The following RUNX1T1 variants were observed in gnomAD, a reference collection of about 807,000 sequenced individuals.
RUNX1T1 encodes protein CBFA2T1.
In RUNX1T1, 4 loss-of-function variants were observed where a neutral mutation model predicts 62.8. The ratio of observed to expected loss-of-function variants is 0.06; its 90% CI spans 0.03 to 0.15. RUNX1T1 has a LOEUF of 0.15. Ranked by LOEUF, RUNX1T1 falls within the 10% of genes least tolerant of loss-of-function variation. The pLI, the probability that RUNX1T1 is intolerant of heterozygous loss-of-function variation, is 1.00. For synonymous variants in RUNX1T1, 291 were observed against 286.0 expected, an observed-to-expected ratio of 1.02 and a Z score of -0.18; for missense variants, 508 against 754.3, an observed-to-expected ratio of 0.67 and a Z score of 3.82.
At chr8:92,102,758 T>C (rs1838097303), upstream of RUNX1T1, 1 of 1,269,500 alleles carries the variant, frequency 7.9e-7, no homozygotes, top group Non-Finnish European at 1.1e-6. The surrounding 1 kb of genome is among the most constrained non-coding windows in gnomAD (Gnocchi z 4.5). Context: ...GGTCGAATAA[T>C]CCAAACGAAG....
intron 5 of RUNX1T1, among the ~76,000 whole-genome samples, chr8:91,996,076 T>C (rs898683821): frequency 6.6e-6 from 1 of 152,236 alleles, no homozygotes; most frequent in African/African-American, 2.4e-5. Flanking sequence ...AGACTTTTCA[T>C]TGTCCCATAC....
At chr8:92,008,593 C>G (rs1198725456) in intron 4 of RUNX1T1, among the ~76,000 whole-genome samples, 1 of 152,062 alleles carries the variant, frequency 6.6e-6, no homozygotes, top group Non-Finnish European at 1.5e-5. Context: ...CTCAGAGAGA[C>G]AAATTCCTGA....
intron 1 of RUNX1T1, chr8:92,062,464 C>T: frequency 6.9e-7 from 1 of 1,445,414 alleles, no homozygotes; most frequent in Non-Finnish European, 9.7e-7. Flanking sequence ...CGCTGTGGGG[C>T]AGAAGGTATT....
At chr8:92,029,332 G>T (rs1825818462) in intron 1 of RUNX1T1, among the ~76,000 whole-genome samples, 1 of 152,180 alleles carries the variant, frequency 6.6e-6, no homozygotes, top group Admixed American at 6.5e-5. Context: ...CAACAGGGCA[G>T]GAGTACTGGA....
intron 4 of RUNX1T1, chr8:92,006,913 C>T (rs1586954219): frequency 6.6e-6 from 1 of 151,996 alleles, no homozygotes; most frequent in African/African-American, 2.4e-5. Flanking sequence ...TATTTCTACA[C>T]AAGATATAAA....
At chr8:91,968,497 C>T (rs73696983) in intron 10 of RUNX1T1, among the ~76,000 whole-genome samples, 391 of 152,210 alleles carry the variant, frequency 2.6e-3, no homozygotes, top group African/African-American at 8.9e-3. Flanking sequence ...CCTTATTGGG[C>T]GTAAAGAGAT....
intron 3 of RUNX1T1, 126 bp from the exon 5 acceptor site, chr8:92,011,217 G>T: frequency 1.7e-6 from 1 of 592,748 alleles, no homozygotes; most frequent in Non-Finnish European, 3.0e-6. Context: ...ACAGAAACCA[G>T]TATTTTCAAT....
chr8:91,970,523 A>T, intron 10 of RUNX1T1, 135 bp downstream of exon 11: 1 of 728,462 alleles, frequency 1.4e-6, no homozygotes, highest in Non-Finnish European at 2.0e-6. Flanking sequence ...AAATTTCATG[A>T]ATACCTTGAC....
intron 10 of RUNX1T1, among the ~76,000 whole-genome samples, chr8:91,966,106 A>T (rs1174677185): frequency 6.8e-6 from 1 of 148,106 alleles, no homozygotes; most frequent in African/African-American, 2.5e-5. Context: ...CAGCTGGCAT[A>T]TATATATATA....
chr8:91,962,879 G>C (rs1810813007), intron 10 of RUNX1T1, among the ~76,000 whole-genome samples: 1 of 152,108 alleles, frequency 6.6e-6, no homozygotes, highest in Non-Finnish European at 1.5e-5. Flanking sequence ...TCCGTTTTTT[G>C]GCAGAGGCAC....
chr8:92,028,883 A>C (rs999384321), intron 1 of RUNX1T1, among the ~76,000 whole-genome samples: 2 of 152,210 alleles, frequency 1.3e-5, no homozygotes, highest in Non-Finnish European at 2.9e-5. Context: ...AACAAACAAA[A>C]AACAAAAACA....
intron 5 of RUNX1T1, chr8:92,003,338 C>T (rs1820122529): frequency 2.2e-6 from 1 of 456,100 alleles, no homozygotes; most frequent in Non-Finnish European, 4.4e-6. Flanking sequence ...AGTCACAATA[C>T]ATTCAAATAT....
chr8:91,988,072 A>G (rs1003334637), intron 6 of RUNX1T1, among the ~76,000 whole-genome samples: 17 of 152,124 alleles, frequency 1.1e-4, no homozygotes, highest in Non-Finnish European at 2.1e-4. Flanking sequence ...TAAGAATTAA[A>G]TGACCATAGG....
At chr8:92,075,623 T>A (rs1235525574) in intron 2 of RUNX1T1, among the ~76,000 whole-genome samples, 2 of 152,148 alleles carry the variant, frequency 1.3e-5, no homozygotes, top group Non-Finnish European at 2.9e-5. Context: ...ATGGCATAGT[T>A]TTTACTCTTT....
intron 1 of RUNX1T1, among the ~76,000 whole-genome samples, chr8:92,050,300 C>A (rs928298302): frequency 3.9e-5 from 6 of 152,226 alleles, no homozygotes; most frequent in Admixed American, 3.9e-4. Flanking sequence ...TTAAGTGCTA[C>A]TATCATGGTA....
chr8:91,993,287 C>T (rs1198250553), intron 5 of RUNX1T1, among the ~76,000 whole-genome samples: 1 of 152,146 alleles, frequency 6.6e-6, no homozygotes, highest in African/African-American at 2.4e-5. Flanking sequence ...CAGGATTCTA[C>T]AATGAACCAT....
chr8:91,970,905 A>T, intron 9 of RUNX1T1, 57 bp from the exon 11 acceptor site: 1 of 1,389,506 alleles, frequency 7.2e-7, no homozygotes, highest in Non-Finnish European at 9.6e-7. Flanking sequence ...AGCCGAAGTC[A>T]TTGGATACGG....
chr8:92,046,533 T>C (rs1384458206), intron 1 of RUNX1T1, among the ~76,000 whole-genome samples: 4 of 152,034 alleles, frequency 2.6e-5, no homozygotes, highest in African/African-American at 9.7e-5. Flanking sequence ...CCCACCAATT[T>C]CTTTATTTTT....
At chr8:92,008,026 T>TTTATAATC (rs923956557) in intron 4 of RUNX1T1, among the ~76,000 whole-genome samples, 1 of 151,018 alleles carries the variant, frequency 6.6e-6, no homozygotes, top group African/African-American at 2.4e-5. Flanking sequence ...AAAAATATGA[T>TTTATAATC]TTATAATCTT....
Sources: gnomAD v4.1 joint callset for allele counts (sites outside exome capture counted in the v4.1 genomes callset) on GRCh38, gnomAD v4.1.1 for gene constraint, Gnocchi (gnomAD v3.1) non-coding constraint, MANE v1.5 for transcripts, NCBI Gene and HGNC (gene_info 2026-07-23, HGNC 2026-07-21) for gene names.